The following ECE1 variants were observed in gnomAD, a reference collection of about 807,000 sequenced individuals.
The protein encoded by ECE1 is endothelin-converting enzyme 1.
A neutral mutation model predicts 98.6 loss-of-function variants in ECE1; 35 were observed. That is an observed-to-expected ratio of 0.35 (90% CI 0.27 to 0.47). ECE1 has a LOEUF of 0.47. Ranked by LOEUF, ECE1 falls within the 20% of genes least tolerant of loss-of-function variation. ECE1 has a pLI of 1.00. For synonymous variants in ECE1, 394 were observed against 407.1 expected, an observed-to-expected ratio of 0.97 and a Z score of 0.39; for missense variants, 814 against 1,025.3, an observed-to-expected ratio of 0.79 and a Z score of 2.81.
rs546082554 is a variant in ECE1, at chr1:21,258,405, G to A, written c.762+288C>T. On this transcript the variant is annotated intron_variant, in intron 6 of 18. Transcript: ENST00000374893. This position sits in a 1 kb window ranked among gnomAD's most constrained non-coding sequence, Gnocchi z 4.2. The stretch of plus-strand genomic sequence containing the variant: ...ACAAAGAGCAGACGCTAAGGAGGGG[G>A]AAACCAGGATGTGGGTTCAGCTGTG... Among the ~76,000 whole-genome samples, 2 of 152,312 alleles carry A rather than the reference G, an allele frequency of 1.3e-5. No individual in the cohort carries two copies. Among genetic ancestry groups the A allele is most frequent in the East Asian group, 3.9e-4 (2 of 5,188 alleles).
intron 17 of ECE1, among the ~76,000 whole-genome samples, chr1:21,222,565 G>T (rs2098168817): frequency 6.6e-6 from 1 of 152,130 alleles, no homozygotes; most frequent in African/African-American, 2.4e-5. Flanking sequence ...ACATGGCCGG[G>T]TGCGATGACT....
At chr1:21,298,676 C>T in intron 1 of ECE1, 1 of 446,254 alleles carries the variant, frequency 2.2e-6, no homozygotes, top group Non-Finnish European at 4.5e-6. Context: ...AAGTGTGAAA[C>T]AACTGGAGTG....
chr1:21,315,930 G>A (rs944585966), intron 1 of ECE1, among the ~76,000 whole-genome samples: 4 of 152,194 alleles, frequency 2.6e-5, no homozygotes, highest in Middle Eastern at 3.4e-3. Flanking sequence ...CCTGGGTACC[G>A]GCTGTAGGAC....
At position 21,295,981 on chromosome 1, in the gene ECE1, T is replaced by TGAACCACACCAGAGGGACATCCTGCGC. The variant is rs1638342277; in HGVS notation, c.4-5852_4-5826dup. Among the ~76,000 whole-genome samples the TGAACCACACCAGAGGGACATCCTGCGC allele has an allele frequency of 3.3e-5, 5 of 152,114 alleles. No homozygotes were observed. In the South Asian group the frequency reaches 1.0e-3, roughly 32 times the overall value. Reference sequence around the variant, plus strand: ...TGGCATCCAGCAGCCCAAGCCTGCGTGAACCACACCAGAGGGACATCCTGC... The same window carrying TGAACCACACCAGAGGGACATCCTGCGC: ...TGGCATCCAGCAGCCCAAGCCTGCGTGAACCACACCAGAGGGACATCCTGCGCGAACCACACCAGAGGGACATCCTGC... On this transcript the variant is annotated intron_variant, in intron 1 of 18. Transcript: ENST00000415912.
At chr1:21,255,802 TCTGTGGA>T in intron 8 of ECE1, 138 bp downstream of exon 8, 1 of 907,950 alleles carries the variant, frequency 1.1e-6, no homozygotes, top group African/African-American at 1.7e-5. Flanking sequence ...AGTTTTTCCA[TCTGTGGA>T]CTGGGCATAA....
chr1:21,254,929 C>A (rs377038523), intron 8 of ECE1, among the ~76,000 whole-genome samples: 1 of 152,172 alleles, frequency 6.6e-6, no homozygotes, highest in South Asian at 2.1e-4. Context: ...GCTCATCTAT[C>A]GTTAGACTCA....
intron 1 of ECE1, among the ~76,000 whole-genome samples, chr1:21,324,956 G>A (rs1030389411): frequency 6.6e-6 from 1 of 152,228 alleles, no homozygotes; most frequent in Non-Finnish European, 1.5e-5. Context: ...AATCACGAAA[G>A]AAGGAGAAAA....
chr1:21,253,551 A>G (rs2103276785), intron 8 of ECE1, among the ~76,000 whole-genome samples: 2 of 150,452 alleles, frequency 1.3e-5, no homozygotes, highest in Middle Eastern at 6.9e-3. Context: ...TCACGAAGAC[A>G]GGAGATCGAG....
chr1:21,256,513 G>A (rs1356513751), intron 7 of ECE1, among the ~76,000 whole-genome samples: 4 of 151,856 alleles, frequency 2.6e-5, no homozygotes, highest in Non-Finnish European at 5.9e-5. Context: ...CCCAGATTGT[G>A]CGCCATGGCA....
chr1:21,239,737 T>C (rs1234170051), intron 10 of ECE1, among the ~76,000 whole-genome samples: 1 of 151,792 alleles, frequency 6.6e-6, no homozygotes, highest in Non-Finnish European at 1.5e-5. Context: ...AAATGGATGA[T>C]GGGAATGTTC....
chr1:21,279,567 C>G, intron 2 of ECE1: 9 of 1,442,766 alleles, frequency 6.2e-6, no homozygotes, highest in Non-Finnish European at 7.3e-6. Context: ...TCGGCCCCGA[C>G]AGGCTTGTTT....
intron 2 of ECE1, among the ~76,000 whole-genome samples, chr1:21,286,372 C>A (rs923751268): frequency 6.6e-6 from 1 of 152,174 alleles, no homozygotes; most frequent in African/African-American, 2.4e-5. Context: ...AACCTAATAA[C>A]CAAATCCATT....
intron 1 of ECE1, among the ~76,000 whole-genome samples, chr1:21,333,259 G>A (rs1357860338): frequency 1.4e-5 from 2 of 146,080 alleles, no homozygotes. Flanking sequence ...CCCGGGACCT[G>A]CACTTAGTGC....
At chr1:21,266,300 G>A (rs1293372466) in intron 4 of ECE1, among the ~76,000 whole-genome samples, 1 of 152,106 alleles carries the variant, frequency 6.6e-6, no homozygotes, top group African/African-American at 2.4e-5. Context: ...GGGACCATCT[G>A]GCCAGGAGCC....
At chr1:21,303,989 T>C (rs1447063716) in intron 1 of ECE1, among the ~76,000 whole-genome samples, 1 of 150,220 alleles carries the variant, frequency 6.7e-6, no homozygotes, top group African/African-American at 2.5e-5. Context: ...GGGGATATTA[T>C]TTCAAAAAAA....
At chr1:21,279,133 C>A in intron 3 of ECE1, 58 bp downstream of exon 3, 1 of 1,613,720 alleles carries the variant, frequency 6.2e-7, no homozygotes, top group South Asian at 1.1e-5. Flanking sequence ...CTCGCCCGAG[C>A]TGACGGAGCC....
At chr1:21,288,435 G>C (rs1230869441) in intron 2 of ECE1, among the ~76,000 whole-genome samples, 1 of 152,232 alleles carries the variant, frequency 6.6e-6, no homozygotes, top group Non-Finnish European at 1.5e-5. Context: ...CCAAGGTCGT[G>C]AGTGGAGTAA....
chr1:21,284,830 T>C (rs1271952860), intron 2 of ECE1, among the ~76,000 whole-genome samples: 1 of 152,098 alleles, frequency 6.6e-6, no homozygotes, highest in African/African-American at 2.4e-5. Context: ...GAAGCAGCAA[T>C]GGGAGTGGTC....
In ECE1 at chr1:21,290,231, A is replaced by C. The variant is rs1277138846; in HGVS notation, c.52-75T>G. 7.1e-7 allele frequency: 1 copy of C among 1,402,566 alleles called. No homozygotes were observed. The highest frequency in any genetic ancestry group is 1.5e-5 in the South Asian group (1 of 65,416). 86.9% of individuals were successfully genotyped at this position (1,402,566 alleles called of 1,614,324 possible). On this transcript the variant is annotated intron_variant, in intron 1 of 18. Coordinates refer to ENST00000374893, the MANE Select transcript of ECE1 (RefSeq NM_001397.3). The surrounding 1 kb of genome is among the most constrained non-coding windows in gnomAD (Gnocchi z 7.3). ...GCGCCCGAATGGGGAAGCGGCCCCG[A>C]CCCTGGCGCCGCCGCCGCCGCGCCC...
Sources: gnomAD v4.1 joint callset for allele counts (sites outside exome capture counted in the v4.1 genomes callset) on GRCh38, gnomAD v4.1.1 for gene constraint, Gnocchi (gnomAD v3.1) non-coding constraint, MANE v1.5 for transcripts, NCBI Gene and HGNC (gene_info 2026-07-23, HGNC 2026-07-21) for gene names.